WWTR1: variants seen among roughly 807,000 people sequenced by gnomAD.
WWTR1 encodes the protein WW domain containing transcription regulator 1, also known as WW domain-containing transcription regulator protein 1.
Under a neutral mutation model 40.1 loss-of-function variants are expected in WWTR1, and 13 were observed. The observed-to-expected ratio is 0.32, with a 90% confidence interval of 0.21 to 0.52. The LOEUF (loss-of-function observed/expected upper bound fraction) is 0.52, where lower values mean the gene tolerates loss of function less well. Ranked by LOEUF, WWTR1 falls within the 20% of genes least tolerant of loss-of-function variation. The probability of loss-of-function intolerance (pLI) is 0.97; values close to 1 mark genes in which losing one functional copy is unlikely to be tolerated. For synonymous variants in WWTR1, 230 were observed against 210.1 expected (o/e 1.09, Z -0.82); for missense variants, 436 against 523.1 (o/e 0.83, Z 1.63).
upstream of WWTR1, among the ~76,000 whole-genome samples, chr3:149,660,885 A>G (rs1333954620): frequency 6.6e-6 from 1 of 152,236 alleles, no homozygotes; most frequent in East Asian, 1.9e-4. Flanking sequence ...ACTCATTTAC[A>G]AATTGGAAAT....
At chr3:149,617,399 T>C (rs2108078309) in intron 2 of WWTR1, among the ~76,000 whole-genome samples, 1 of 152,334 alleles carries the variant, frequency 6.6e-6, no homozygotes, top group South Asian at 2.1e-4. Context: ...TTTGCTGTGC[T>C]TCTTCAAGTT....
chr3:149,650,585 G>A (rs1411681021), intron 2 of WWTR1, among the ~76,000 whole-genome samples: 3 of 152,122 alleles, frequency 2.0e-5, no homozygotes, highest in Admixed American at 1.3e-4. Context: ...TGCCTTGTCT[G>A]GCATACAGCA....
chr3:149,692,670 G>A (rs6784054), intron 1 of WWTR1, among the ~76,000 whole-genome samples: 13,900 of 152,056 alleles, frequency 0.091, 807 homozygotes, highest in African/African-American at 0.16. Flanking sequence ...TTTCATTCTT[G>A]TCGCCCAGGC....
At chr3:149,537,192 G>A (rs1382148466) in intron 4 of WWTR1, among the ~76,000 whole-genome samples, 1 of 152,116 alleles carries the variant, frequency 6.6e-6, no homozygotes. Flanking sequence ...AGTCATTGTG[G>A]GTGTGTGTGG....
At chr3:149,635,748 G>C (rs1205027707) in intron 2 of WWTR1, among the ~76,000 whole-genome samples, 1 of 152,204 alleles carries the variant, frequency 6.6e-6, no homozygotes, top group Non-Finnish European at 1.5e-5. Flanking sequence ...AGATGAGCAG[G>C]ATTGGGGATA....
chr3:149,595,875 T>G (rs1469604961), intron 2 of WWTR1, among the ~76,000 whole-genome samples: 1 of 151,936 alleles, frequency 6.6e-6, no homozygotes, highest in Non-Finnish European at 1.5e-5. Context: ...CTACTAAAAA[T>G]ACAAAAATTA....
At chr3:149,692,470 A>G (rs1714856374) in intron 1 of WWTR1, among the ~76,000 whole-genome samples, 2 of 152,190 alleles carry the variant, frequency 1.3e-5, no homozygotes, top group African/African-American at 4.8e-5. Context: ...AAAACCCTCA[A>G]CAAACTGGGT....
upstream of WWTR1, among the ~76,000 whole-genome samples, chr3:149,706,895 T>A (rs1715347361): frequency 6.6e-6 from 1 of 152,148 alleles, no homozygotes; most frequent in Non-Finnish European, 1.5e-5. Context: ...AATTGCTCCG[T>A]GGTATTAGTG....
chr3:149,559,202 G>C (rs1391395247), intron 3 of WWTR1, among the ~76,000 whole-genome samples: 1 of 151,198 alleles, frequency 6.6e-6, no homozygotes, highest in African/African-American at 2.4e-5. Context: ...GCTGCAGCAG[G>C]GGAATTGCTT....
intron 2 of WWTR1, among the ~76,000 whole-genome samples, chr3:149,638,624 C>T (rs6803407): frequency 0.012 from 1,808 of 151,822 alleles, 31 homozygotes; most frequent in African/African-American, 0.042. Flanking sequence ...TCTCTCCATC[C>T]TTCTTAGTGT....
At chr3:149,582,108 G>A (rs1465631587) in intron 2 of WWTR1, among the ~76,000 whole-genome samples, 1 of 152,102 alleles carries the variant, frequency 6.6e-6, no homozygotes, top group Non-Finnish European at 1.5e-5. Flanking sequence ...CCCCAGGTGT[G>A]ACTCAGGAGC....
intron 2 of WWTR1, among the ~76,000 whole-genome samples, chr3:149,618,113 T>C (rs1740079950): frequency 6.6e-6 from 1 of 152,196 alleles, no homozygotes; most frequent in Non-Finnish European, 1.5e-5. Flanking sequence ...GTCAATTTCT[T>C]AGGGATGGAC....
chr3:149,620,566 C>CG (rs1553799930), intron 2 of WWTR1, among the ~76,000 whole-genome samples: 1 of 149,694 alleles, frequency 6.7e-6, no homozygotes, highest in Non-Finnish European at 1.5e-5. Flanking sequence ...TCCACCGCTC[C>CG]CCCCCACACA....
At chr3:149,597,309 C>T (rs1309914462) in intron 2 of WWTR1, among the ~76,000 whole-genome samples, 1 of 151,246 alleles carries the variant, frequency 6.6e-6, no homozygotes, top group East Asian at 1.9e-4. Flanking sequence ...CTATAAAGAA[C>T]AGAGAGAAAC....
chr3:149,602,134 GA>G (rs1739273832), intron 2 of WWTR1, among the ~76,000 whole-genome samples: 2 of 152,110 alleles, frequency 1.3e-5, no homozygotes, highest in African/African-American at 4.8e-5. Flanking sequence ...AATGCTGGGG[GA>G]AAATGAGGAA....
At chr3:149,528,918 T>C (rs1172641914) in intron 4 of WWTR1, among the ~76,000 whole-genome samples, 1 of 152,166 alleles carries the variant, frequency 6.6e-6, no homozygotes. Context: ...AAACAAATAA[T>C]ACAAGCATTA....
chr3:149,650,735 A>C (rs1712817174), intron 2 of WWTR1, among the ~76,000 whole-genome samples: 1 of 152,248 alleles, frequency 6.6e-6, no homozygotes, highest in Admixed American at 6.5e-5. Context: ...GACACTTCTC[A>C]GATGGAGTTG....
At chr3:149,691,910 G>A (rs1714838406) in intron 1 of WWTR1, among the ~76,000 whole-genome samples, 1 of 152,066 alleles carries the variant, frequency 6.6e-6, no homozygotes, top group South Asian at 2.1e-4. Context: ...CAGCTCCTCG[G>A]GAGGCTGAGG....
intron 4 of WWTR1, among the ~76,000 whole-genome samples, chr3:149,531,685 C>A (rs2107917151): frequency 6.6e-6 from 1 of 152,232 alleles, no homozygotes; most frequent in South Asian, 2.1e-4. Flanking sequence ...CTACCTCACC[C>A]CTGTCTAAAA....
Sources: gnomAD v4.1 joint callset for allele counts (sites outside exome capture counted in the v4.1 genomes callset) on GRCh38, gnomAD v4.1.1 for gene constraint, MANE v1.5 for transcripts, NCBI Gene and HGNC (gene_info 2026-07-23, HGNC 2026-07-21) for gene names.